Variants in CFAP69 observed in about 807,000 individuals in gnomAD.
CFAP69 encodes cilia- and flagella-associated protein 69.
Under a neutral mutation model 123.0 loss-of-function variants are expected in CFAP69, and 92 were observed. The observed-to-expected ratio is 0.75, with a 90% CI of 0.63 to 0.89. The LOEUF is 0.89. Ranked by LOEUF, CFAP69 falls within the 40% of genes least tolerant of loss-of-function variation. CFAP69 has a pLI of 0.00. For synonymous variants in CFAP69, 380 were observed against 364.3 expected (o/e 1.04, Z -0.49); for missense variants, 1,067 against 1,096.9 (o/e 0.97, Z 0.39).
At chr7:90,258,067 C>G (rs1490203321) in intron 2 of CFAP69, 31 bp from the exon 3 acceptor site, 1 of 1,545,510 alleles carries the variant, frequency 6.5e-7, no homozygotes, top group Non-Finnish European at 8.8e-7. Flanking sequence ...TTTAAAAGCA[C>G]AAAAGAACTA....
In CFAP69 at chr7:90,245,182, G is replaced by T. The variant is rs747463105; in HGVS notation, c.-243G>T. 5.0e-6 allele frequency: 2 copies of T among 400,094 alleles called. No homozygotes were observed. Among genetic ancestry groups the T allele is most frequent in the Non-Finnish European group, 4.3e-6 (1 of 233,346 alleles). 24.8% of individuals were successfully genotyped at this position (400,094 alleles called of 1,614,324 possible). ...CTCTGGCCCCGCCCCCTAGCAACGC[G>T]CTGGCTTGTGTTAACAACCGGCCCG... On this transcript the variant is annotated 5_prime_UTR_variant, in exon 1 of 23. Coordinates refer to ENST00000389297, the MANE Select transcript of CFAP69 (RefSeq NM_001039706.3).
In CFAP69 at chr7:90,261,927, C is replaced by A; in HGVS notation, c.247-20C>A. ...AAAGATATTAATCTGAATTTTATTTCTTAACTAAAAATATTAAAGCCATTA... is the reference window on the plus strand; with the variant it reads ...AAAGATATTAATCTGAATTTTATTTATTAACTAAAAATATTAAAGCCATTA... On this transcript the variant is annotated intron_variant, in intron 3 of 22. Coordinates refer to ENST00000389297, the MANE Select transcript of CFAP69 (RefSeq NM_001039706.3). The A allele has an allele frequency of 7.9e-7, 1 of 1,263,284 alleles. No homozygotes were observed. The highest frequency in any genetic ancestry group is 1.1e-6 in the Non-Finnish European group (1 of 900,816). The allele number at this position is 1,263,284 out of a possible 1,614,324, so 78.3% of individuals were successfully genotyped here.
In CFAP69 at chr7:90,247,268, CG is replaced by C. The variant is rs778526696; in HGVS notation, c.120+1725del. ...GAATGGGGGTCTAGAGACCCTGGAA[CG>C]AAAAAATGATAACCTTTTAGGCCTC... On this transcript the variant is annotated intron_variant, in intron 1 of 22. Transcript: ENST00000389297. Among the ~76,000 whole-genome samples, 3 of 152,102 alleles carry C rather than the reference CG, an allele frequency of 2.0e-5. No individual in the cohort carries two copies. In the South Asian group the frequency reaches 6.2e-4, roughly 31 times the overall value.
chr7:90,318,735 G>A, the CFAP69 span: 12 of 152,034 alleles, frequency 7.9e-5, no homozygotes, highest in African/African-American at 2.9e-4. Context: ...TAATTCAATA[G>A]CAATAAAGCA....
downstream of CFAP69, among the ~76,000 whole-genome samples, chr7:90,313,204 A>G (rs1348600890): frequency 6.6e-6 from 1 of 152,212 alleles, no homozygotes; most frequent in African/African-American, 2.4e-5. Flanking sequence ...CTGAAGTGCT[A>G]CAATTTGTTA....
the CFAP69 span, among the ~76,000 whole-genome samples, chr7:90,321,694 A>T: frequency 3.9e-5 from 6 of 152,006 alleles, no homozygotes. Flanking sequence ...AAAATGCTAA[A>T]CCTCCTTGAA....
chr7:90,263,799 A>G (rs1192474045), intron 4 of CFAP69, among the ~76,000 whole-genome samples: 1 of 151,908 alleles, frequency 6.6e-6, no homozygotes, highest in African/African-American at 2.4e-5. Context: ...TTCTTGAAAA[A>G]TATGAATTGG....
At position 90,271,799 on chromosome 7, in the gene CFAP69, T is replaced by G. The variant is rs745456998; in HGVS notation, c.701T>G (p.Met234Arg). ...TTTTCAGAAGTTAATTGTACTATAA[T>G]GATGAAAGCACAAGCAGCCAGTGGA... ...LSTSEVNCTI[M>R]MKAQAASGIC... The change falls in exon 8 of 23, where the codon ATG becomes AGG. Residue 234 changes from methionine to arginine, a missense_variant. By Grantham distance (91) the Met-to-Arg change is moderately conservative. Coordinates refer to ENST00000389297, the MANE Select transcript of CFAP69 (RefSeq NM_001039706.3). 1 of 1,581,848 alleles carries G rather than the reference T, an allele frequency of 6.3e-7. No homozygotes were observed. Among genetic ancestry groups the G allele is most frequent in the Non-Finnish European group, 8.6e-7 (1 of 1,163,972 alleles).
At chr7:90,289,425 A>AT (rs1790781176) in intron 15 of CFAP69, among the ~76,000 whole-genome samples, 2 of 151,758 alleles carry the variant, frequency 1.3e-5, no homozygotes, top group South Asian at 4.2e-4. Flanking sequence ...TGCCATTTAA[A>AT]TAGCCTTTTT....
At chr7:90,290,589 G>T (rs1790981523) in intron 15 of CFAP69, among the ~76,000 whole-genome samples, 1 of 152,024 alleles carries the variant, frequency 6.6e-6, no homozygotes, top group Non-Finnish European at 1.5e-5. Context: ...CAAATCTCTG[G>T]CCACCCCAGG....
At chr7:90,248,136 T>C (rs1796552128) in intron 1 of CFAP69, among the ~76,000 whole-genome samples, 1 of 152,190 alleles carries the variant, frequency 6.6e-6, no homozygotes, top group African/African-American at 2.4e-5. Flanking sequence ...TTCGGTCTGC[T>C]CACTTTATCC....
chr7:90,256,539 A>T (rs576596865), intron 2 of CFAP69, among the ~76,000 whole-genome samples: 38 of 151,440 alleles, frequency 2.5e-4, no homozygotes, highest in South Asian at 1.7e-3. Context: ...AAAAAAAAAA[A>T]TTTTTAAGTA....
chr7:90,245,529 G>A lies in CFAP69; in HGVS notation c.105G>A (p.Glu35=). The A allele has an allele frequency of 6.6e-7, 1 of 1,514,580 alleles. No individual in the cohort carries two copies. The highest frequency in any genetic ancestry group is 1.3e-5 in the South Asian group (1 of 78,136). The allele number at this position is 1,514,580 out of a possible 1,614,324, so 93.8% of individuals were successfully genotyped here. The change falls in exon 1 of 23, where the codon GAG becomes GAA. Residue 35 remains glutamate, a synonymous_variant. Coordinates refer to ENST00000389297, the MANE Select transcript of CFAP69 (RefSeq NM_001039706.3). ...SQIPVVGVVT[E]DDEAQDVFKP... Reference sequence around the variant, plus strand: ...TCCCGGTGGTTGGGGTGGTGACGGAGGACGATGAGGCGCAGGTATGAGCAG... The same window carrying A: ...TCCCGGTGGTTGGGGTGGTGACGGAAGACGATGAGGCGCAGGTATGAGCAG...
rs543719423 is a variant in CFAP69, at chr7:90,302,446, T to C, written c.2051-1523T>C. 3.9e-5 allele frequency: 6 copies of C among 152,356 alleles called. No homozygotes were observed. The South Asian group carries it at 1.2e-3, about 32-fold the overall frequency. 9.4% of individuals were successfully genotyped at this position (152,356 alleles called of 1,614,324 possible). ...CCTAGGTTGTCTTCCAGGGTTCTTA[T>C]AGTTTTGGGTTTTACATTTAAGTCT... On this transcript the variant is annotated intron_variant, in intron 17 of 22. Coordinates refer to ENST00000389297, the MANE Select transcript of CFAP69 (RefSeq NM_001039706.3).
intron 21 of CFAP69, among the ~76,000 whole-genome samples, chr7:90,308,948 A>C (rs1187154633): frequency 6.6e-6 from 1 of 152,148 alleles, no homozygotes. Flanking sequence ...TTAATAGCTT[A>C]TTAAATTATG....
At chr7:90,252,119 TG>T (rs1403316610) in intron 1 of CFAP69, 25 of 82,582 alleles carry the variant, frequency 3.0e-4, no homozygotes, top group African/African-American at 1.1e-3. Context: ...ACTGTGTGTG[TG>T]TGTGTGTGTG....
At chr7:90,272,769 C>T (rs984620272) in intron 8 of CFAP69, among the ~76,000 whole-genome samples, 14 of 151,934 alleles carry the variant, frequency 9.2e-5, no homozygotes, top group Admixed American at 1.3e-4. Context: ...AAGAAGTCTA[C>T]GATCACATCA....
At chr7:90,268,506 T>A in intron 6 of CFAP69, 122 bp downstream of exon 6, 1 of 665,116 alleles carries the variant, frequency 1.5e-6, no homozygotes, top group Non-Finnish European at 2.5e-6. Flanking sequence ...AAAGAAAACT[T>A]TTTTGTAGTC....
intron 8 of CFAP69, among the ~76,000 whole-genome samples, chr7:90,272,920 G>T (rs1800167877): frequency 6.6e-6 from 1 of 152,138 alleles, no homozygotes; most frequent in Non-Finnish European, 1.5e-5. Flanking sequence ...AGTGCCAAAA[G>T]AAAAAATGCT....
Sources: gnomAD v4.1 joint callset for allele counts (sites outside exome capture counted in the v4.1 genomes callset) on GRCh38, gnomAD v4.1.1 for gene constraint, MANE v1.5 for transcripts, NCBI Gene and HGNC (gene_info 2026-07-23, HGNC 2026-07-21) for gene names.